TENM3: variants seen among roughly 807,000 people sequenced by gnomAD.
The protein encoded by TENM3 is teneurin-3.
A neutral mutation model predicts 255.1 loss-of-function variants in TENM3; 63 were observed. The observed-to-expected ratio is 0.25, with a 90% CI of 0.20 to 0.30. TENM3 has a LOEUF of 0.30. Among genes scored for constraint, TENM3 ranks in the 10% least tolerant of loss-of-function variants. The pLI, the probability that TENM3 is intolerant of heterozygous loss-of-function variation, is 1.00. For synonymous variants in TENM3, 1,306 were observed against 1,322.3 expected (o/e 0.99, Z 0.27); for missense variants, 2,929 against 3,461.1 (o/e 0.85, Z 3.86).
intron 3 of TENM3, among the ~76,000 whole-genome samples, chr4:182,442,459 T>C (rs753436315): frequency 9.9e-5 from 15 of 152,214 alleles, no homozygotes; most frequent in Admixed American, 2.6e-4. Context: ...CAACTACCCA[T>C]CTGACAACAC....
chr4:181,489,393 T>TGCACATAG, the TENM3 span, among the ~76,000 whole-genome samples: 2 of 152,218 alleles, frequency 1.3e-5, no homozygotes, highest in African/African-American at 2.4e-5. Flanking sequence ...GGTGTGTGTG[T>TGCACATAG]GTGTGCATGG....
At position 182,669,297 on chromosome 4, in the gene TENM3, TCTCA is replaced by T. The variant is rs1204348595; in HGVS notation, c.1112-3704_1112-3701del. On this transcript the variant is annotated intron_variant, in intron 6 of 27. Transcript: ENST00000511685. Reference sequence around the variant, plus strand: ...TTGTTTTTGTTTTTGTGAGATGGAGTCTCACTCTGTTGCCCAGGCTGGAGTGCAG... The same window carrying T: ...TTGTTTTTGTTTTTGTGAGATGGAGTCTCTGTTGCCCAGGCTGGAGTGCAG... 2.7e-5 allele frequency among the ~76,000 whole-genome samples: 4 copies of T among 149,354 alleles called. No individual in the cohort carries two copies. In the East Asian group the frequency reaches 8.0e-4, roughly 30 times the overall value.
intron 2 of TENM3, among the ~76,000 whole-genome samples, chr4:182,337,740 T>C (rs1764233662): frequency 6.6e-6 from 1 of 152,206 alleles, no homozygotes; most frequent in African/African-American, 2.4e-5. Context: ...TAGGCCCATA[T>C]TGGAATCACC....
chr4:181,546,035 G>T, the TENM3 span, among the ~76,000 whole-genome samples: 1 of 152,070 alleles, frequency 6.6e-6, no homozygotes, highest in Non-Finnish European at 1.5e-5. Context: ...TTTCACACAC[G>T]GCCTGTTATT....
the TENM3 span, among the ~76,000 whole-genome samples, chr4:182,008,494 C>T: frequency 6.6e-6 from 1 of 151,848 alleles, no homozygotes; most frequent in African/African-American, 2.4e-5. Flanking sequence ...GGTCTTCAAA[C>T]TCTGATATCC....
chr4:182,554,834 G>A (rs1230725232), intron 3 of TENM3, among the ~76,000 whole-genome samples: 1 of 151,680 alleles, frequency 6.6e-6, no homozygotes, highest in Non-Finnish European at 1.5e-5. Flanking sequence ...TCTTTTCGCA[G>A]CTTTAATTTT....
chr4:181,520,708 T>C, the TENM3 span, among the ~76,000 whole-genome samples: 2 of 152,260 alleles, frequency 1.3e-5, no homozygotes, highest in East Asian at 3.9e-4. Context: ...TTTGAACAGA[T>C]GGAGCTTTCT....
intron 3 of TENM3, among the ~76,000 whole-genome samples, chr4:182,545,389 C>T (rs1053440100): frequency 1.3e-5 from 2 of 152,008 alleles, no homozygotes; most frequent in Non-Finnish European, 2.9e-5. Context: ...ACTACAACCA[C>T]CCAGGTCTAA....
chr4:181,518,034 A>G, the TENM3 span, among the ~76,000 whole-genome samples: 1 of 149,976 alleles, frequency 6.7e-6, no homozygotes, highest in African/African-American at 2.4e-5. Context: ...TCTGTTCATC[A>G]AGGGAAAAAA....
At chr4:182,050,757 CTG>C in the TENM3 span, among the ~76,000 whole-genome samples, 1 of 152,076 alleles carries the variant, frequency 6.6e-6, no homozygotes, top group African/African-American at 2.4e-5. Context: ...TAAGCCAAGA[CTG>C]CACCACAGCA....
chr4:181,788,028 T>C, the TENM3 span, among the ~76,000 whole-genome samples: 1 of 152,106 alleles, frequency 6.6e-6, no homozygotes, highest in Non-Finnish European at 1.5e-5. Flanking sequence ...ATCCAGCCAC[T>C]TCGAGATCAC....
At chr4:182,076,396 G>T in the TENM3 span, among the ~76,000 whole-genome samples, 52 of 151,918 alleles carry the variant, frequency 3.4e-4, no homozygotes, top group Admixed American at 1.3e-4. Flanking sequence ...TAGAGACGGG[G>T]TTTCACCATG....
the TENM3 span, among the ~76,000 whole-genome samples, chr4:181,831,315 T>A: frequency 1.3e-5 from 2 of 152,166 alleles, no homozygotes; most frequent in South Asian, 4.1e-4. Flanking sequence ...TGAGGTGAGT[T>A]TGTCATCTGC....
At chr4:181,695,538 C>A in the TENM3 span, among the ~76,000 whole-genome samples, 2 of 152,144 alleles carry the variant, frequency 1.3e-5, no homozygotes. Flanking sequence ...AACTTTCTTT[C>A]TTTCCACTGG....
chr4:181,786,730 A>G, the TENM3 span, among the ~76,000 whole-genome samples: 1 of 149,516 alleles, frequency 6.7e-6, no homozygotes, highest in East Asian at 2.0e-4. Context: ...AGTAGCTTTC[A>G]TGATCAGATA....
chr4:181,925,852 A>G, the TENM3 span, among the ~76,000 whole-genome samples: 1 of 152,200 alleles, frequency 6.6e-6, no homozygotes, highest in Non-Finnish European at 1.5e-5. Flanking sequence ...TTTCCAAGTT[A>G]CTTGATTCAG....
At chr4:181,748,851 A>G in the TENM3 span, among the ~76,000 whole-genome samples, 2 of 152,144 alleles carry the variant, frequency 1.3e-5, no homozygotes, top group Admixed American at 6.6e-5. Context: ...GTGTCACTGC[A>G]TACACCATGC....
intron 22 of TENM3, among the ~76,000 whole-genome samples, chr4:182,763,500 G>C (rs903092893): frequency 1.3e-5 from 2 of 151,980 alleles, no homozygotes; most frequent in African/African-American, 4.8e-5. Flanking sequence ...AGGAGTTGGA[G>C]CTTGCAGTGA....
At position 182,792,171 on chromosome 4, in the gene TENM3, T is replaced by C; in HGVS notation, c.5602-103T>C. ...AAGGATAACTCAATTAAAATGAAAA[T>C]CATTTTCTCTAGTGGAATGTTTCTG... On this transcript the variant is annotated intron_variant, in intron 25 of 27. Coordinates refer to ENST00000511685, the MANE Select transcript of TENM3 (RefSeq NM_001080477.4). The surrounding 1 kb of genome is among the most constrained non-coding windows in gnomAD (Gnocchi z 6.3). 2 of 1,089,330 alleles carry C rather than the reference T, an allele frequency of 1.8e-6. No homozygotes were observed. Among genetic ancestry groups the C allele is most frequent in the South Asian group, 3.1e-5 (2 of 64,498 alleles). The allele number at this position is 1,089,330 out of a possible 1,614,324, so 67.5% of individuals were successfully genotyped here.
Sources: gnomAD v4.1 joint callset for allele counts (sites outside exome capture counted in the v4.1 genomes callset) on GRCh38, gnomAD v4.1.1 for gene constraint, Gnocchi (gnomAD v3.1) non-coding constraint, MANE v1.5 for transcripts, NCBI Gene and HGNC (gene_info 2026-07-23, HGNC 2026-07-21) for gene names.